Variants in ATP8B1 observed in about 807,000 individuals in gnomAD.
ATP8B1 encodes phospholipid-transporting ATPase IC.
Under a neutral mutation model 149.9 loss-of-function variants are expected in ATP8B1, and 80 were observed. The ratio of observed to expected loss-of-function variants is 0.53; its 90% CI spans 0.45 to 0.64. The LOEUF (loss-of-function observed/expected upper bound fraction) is 0.64. Ranked by LOEUF, ATP8B1 falls within the 30% of genes least tolerant of loss-of-function variation. The probability of loss-of-function intolerance (pLI) is 0.00; values close to 1 mark genes in which losing one functional copy is unlikely to be tolerated. For synonymous variants in ATP8B1, 536 were observed against 562.8 expected (o/e 0.95, Z 0.67); for missense variants, 1,247 against 1,552.6 (o/e 0.80, Z 3.31).
intron 1 of ATP8B1, among the ~76,000 whole-genome samples, chr18:57,769,854 CA>C (rs1212513080): frequency 6.6e-6 from 1 of 152,172 alleles, no homozygotes; most frequent in Admixed American, 6.5e-5. Context: ...TGCTATGTGT[CA>C]AGTACCATAC....
At chr18:57,694,198 G>A (rs1912686549) in intron 11 of ATP8B1, among the ~76,000 whole-genome samples, 1 of 152,144 alleles carries the variant, frequency 6.6e-6, no homozygotes, top group Non-Finnish European at 1.5e-5. Context: ...GGTGCTGGGG[G>A]AGGCTTGCTT....
chr18:57,680,277 C>CAAAAAAAAAAAAATAAA (rs1911870136), intron 15 of ATP8B1, among the ~76,000 whole-genome samples: 1 of 40,476 alleles, frequency 2.5e-5, no homozygotes, highest in East Asian at 1.3e-3. Context: ...GACTCAGTCT[C>CAAAAAAAAAAAAATAAA]AAAAAAAAAA....
chr18:57,764,893 A>G (rs1369167917), intron 1 of ATP8B1, among the ~76,000 whole-genome samples: 1 of 152,228 alleles, frequency 6.6e-6, no homozygotes, highest in South Asian at 2.1e-4. Context: ...TCCTCAAAAA[A>G]TAAACATAGA....
At chr18:57,735,646 A>G (rs1263125849) in intron 1 of ATP8B1, 1 of 152,116 alleles carries the variant, frequency 6.6e-6, no homozygotes, top group Non-Finnish European at 1.5e-5. Flanking sequence ...TTCCCTGGTT[A>G]TATTTATACT....
intron 1 of ATP8B1, among the ~76,000 whole-genome samples, chr18:57,782,429 G>A (rs2080365070): frequency 6.6e-6 from 1 of 152,140 alleles, no homozygotes; most frequent in African/African-American, 2.4e-5. Context: ...TATTATGCGT[G>A]TAGGCATCCT....
intron 1 of ATP8B1, among the ~76,000 whole-genome samples, chr18:57,799,431 C>A (rs1026782485): frequency 6.6e-6 from 1 of 152,122 alleles, no homozygotes; most frequent in Non-Finnish European, 1.5e-5. Context: ...GAAAATGAGG[C>A]CGGGTGCGGT....
chr18:57,648,984 G>A (rs1352430369), intron 27 of ATP8B1, among the ~76,000 whole-genome samples: 1 of 151,866 alleles, frequency 6.6e-6, no homozygotes. Context: ...TGCAACCTCT[G>A]CCTCCCAGGT....
chr18:57,754,070 T>A (rs983951503), intron 1 of ATP8B1, among the ~76,000 whole-genome samples: 10 of 152,188 alleles, frequency 6.6e-5, no homozygotes, highest in Admixed American at 6.6e-4. Flanking sequence ...TGAGGAGGCA[T>A]ATTTCTTCTT....
chr18:57,682,703 T>C lies in ATP8B1; in HGVS notation c.1630+1333A>G, dbSNP rs546274316. 1.3e-3 allele frequency among the ~76,000 whole-genome samples: 205 copies of C among 152,322 alleles called. 1 individual carries two copies. Among genetic ancestry groups the C allele is most frequent in the Middle Eastern group, 3.4e-3 (1 of 294 alleles). On this transcript the variant is annotated intron_variant, in intron 15 of 27. Transcript: ENST00000648908. ...TTCTATCCTTCCCCACATCATCTGCTGATAAACCCTTCCATGTATCCACCC... is the reference window on the plus strand; with the variant it reads ...TTCTATCCTTCCCCACATCATCTGCCGATAAACCCTTCCATGTATCCACCC...
At chr18:57,682,569 G>A (rs755237136) in intron 15 of ATP8B1, among the ~76,000 whole-genome samples, 1 of 152,194 alleles carries the variant, frequency 6.6e-6, no homozygotes, top group Non-Finnish European at 1.5e-5. Context: ...AGAGAACCAG[G>A]TGACTTTGTA....
chr18:57,717,938 G>T (rs1205623725), intron 2 of ATP8B1, among the ~76,000 whole-genome samples: 2 of 151,646 alleles, frequency 1.3e-5, no homozygotes, highest in Non-Finnish European at 2.9e-5. Flanking sequence ...TAGAGACAGG[G>T]TTCCACTGTG....
At chr18:57,677,560 C>T (rs1275313047) in intron 15 of ATP8B1, among the ~76,000 whole-genome samples, 3 of 152,122 alleles carry the variant, frequency 2.0e-5, no homozygotes. Flanking sequence ...CACCTTCCTT[C>T]CTTCCTTCAC....
chr18:57,676,221 C>T (rs564531639), intron 15 of ATP8B1, among the ~76,000 whole-genome samples: 3 of 152,040 alleles, frequency 2.0e-5, no homozygotes, highest in South Asian at 2.1e-4. Context: ...AGTGCAGTGG[C>T]ACCATCTCAG....
At chr18:57,766,297 A>C (rs889955160) in intron 1 of ATP8B1, among the ~76,000 whole-genome samples, 8 of 152,056 alleles carry the variant, frequency 5.3e-5, no homozygotes, top group African/African-American at 1.7e-4. Context: ...CACAGGCAGG[A>C]GCCACCGAGC....
intron 17 of ATP8B1, among the ~76,000 whole-genome samples, chr18:57,670,068 ATTTTCTCT>A (rs1009015885): frequency 1.3e-4 from 20 of 152,024 alleles, no homozygotes; most frequent in Non-Finnish European, 1.8e-4. Flanking sequence ...TCATTTTCTC[ATTTTCTCT>A]TTTTCTCTTC....
chr18:57,711,003 A>G (rs145957789), intron 2 of ATP8B1, among the ~76,000 whole-genome samples: 5 of 152,304 alleles, frequency 3.3e-5, no homozygotes, highest in Non-Finnish European at 7.3e-5. Context: ...CTTCACTGAG[A>G]TAGTAGTTTT....
At chr18:57,759,881 GA>G (rs1291744935) in intron 1 of ATP8B1, among the ~76,000 whole-genome samples, 1 of 151,770 alleles carries the variant, frequency 6.6e-6, no homozygotes, top group South Asian at 2.1e-4. Context: ...TCGCTGTTGG[GA>G]AACTCCTAGT....
chr18:57,767,662 G>A (rs536421504), intron 1 of ATP8B1, among the ~76,000 whole-genome samples: 2 of 152,194 alleles, frequency 1.3e-5, no homozygotes, highest in African/African-American at 4.8e-5. Context: ...GGTGGTGCGC[G>A]CCTGTAATCT....
intron 21 of ATP8B1, 105 bp from the exon 22 acceptor site, chr18:57,661,567 CTGATTA>C (rs1910406921): frequency 8.1e-7 from 1 of 1,237,368 alleles, no homozygotes; most frequent in African/African-American, 1.5e-5. Context: ...GATTATGTCA[CTGATTA>C]TATTTGACAA....
Sources: allele counts gnomAD v4.1 joint callset (sites outside exome capture counted in the v4.1 genomes callset), GRCh38; gene constraint gnomAD v4.1.1; transcripts MANE v1.5; gene names NCBI Gene and HGNC (gene_info 2026-07-23, HGNC 2026-07-21).